SYNE1: variants seen among roughly 807,000 people sequenced by gnomAD.
SYNE1 encodes nesprin-1.
SYNE1 carries 616 observed loss-of-function variants against 1,111.0 expected under a neutral mutation model. The ratio of observed to expected loss-of-function variants is 0.55; its 90% confidence interval spans 0.52 to 0.59. The LOEUF (loss-of-function observed/expected upper bound fraction) is 0.59. Ranked by LOEUF, SYNE1 falls within the 20% of genes least tolerant of loss-of-function variation. The pLI is 0.00. For synonymous variants in SYNE1, 3,855 were observed against 3,825.8 expected, an observed-to-expected ratio of 1.01 and a Z score of -0.28; for missense variants, 10,006 against 10,417.0, an observed-to-expected ratio of 0.96 and a Z score of 1.72.
At chr6:152,447,933 T>C (rs192077745) in intron 28 of SYNE1, among the ~76,000 whole-genome samples, 5 of 152,318 alleles carry the variant, frequency 3.3e-5, no homozygotes, top group Admixed American at 1.3e-4. Context: ...GACGCCACAA[T>C]TGGCAACTAT....
At chr6:152,370,756 G>C (rs2097165907) in intron 59 of SYNE1, among the ~76,000 whole-genome samples, 1 of 152,168 alleles carries the variant, frequency 6.6e-6, no homozygotes, top group Non-Finnish European at 1.5e-5. Context: ...AGTACATAAA[G>C]GTTAGCTGAA....
intron 3 of SYNE1, among the ~76,000 whole-genome samples, chr6:152,565,552 A>G (rs2099410445): frequency 6.6e-6 from 1 of 152,148 alleles, no homozygotes; most frequent in Non-Finnish European, 1.5e-5. Context: ...CTTCAACCTT[A>G]TAATTCTTGA....
rs1321490646 is a variant in SYNE1 at position 152,155,958 on chromosome 6, T to C, written c.23930A>G (p.Asp7977Gly). The change falls in exon 132 of 146, where the codon GAC (aspartate) becomes GGC (glycine). Residue 7977 changes from aspartate (D) to glycine (G), a missense_variant. Physicochemically the swap from Asp to Gly is moderately conservative, Grantham distance 94 (BLOSUM62 -1). Transcript: ENST00000367255. ...DSIQQATRNL[D>G]RRWRNICAMS... ...AGCACAAATGTTTCTCCACCGCCGG[T>C]CCAGGTTTCTCGTAGCCTGCTGTAT... 6.2e-7 allele frequency: 1 copy of C among 1,614,160 alleles called. No homozygotes were observed. The highest frequency in any genetic ancestry group is 8.5e-7 in the Non-Finnish European group (1 of 1,180,034).
chr6:152,572,986 T>C (rs1290916461), intron 3 of SYNE1, among the ~76,000 whole-genome samples: 2 of 152,166 alleles, frequency 1.3e-5, no homozygotes, highest in African/African-American at 4.8e-5. Flanking sequence ...CTTCTGGGAA[T>C]GTCTATTTGA....
intron 3 of SYNE1, among the ~76,000 whole-genome samples, chr6:152,597,044 G>T (rs1565084627): frequency 6.6e-6 from 1 of 152,092 alleles, no homozygotes. Flanking sequence ...TCCAATCATA[G>T]GTATTTCTCT....
intron 21 of SYNE1, among the ~76,000 whole-genome samples, 166 bp from the exon 22 acceptor site, chr6:152,459,096 T>G (rs1016000130): frequency 6.6e-6 from 1 of 152,194 alleles, no homozygotes. Flanking sequence ...TTGTCAAATT[T>G]TGCTGTGAAA....
Position 152,325,126 on chromosome 6 carries a change from G to A in SYNE1, c.15615C>T (p.Ile5205=), listed in dbSNP as rs762262465. ...TCCACTCATCCACTGCATCTTCCAG[G>A]ATCTTCTCCTGGTCCTGGGCCACAG... ...LRAVAQDQEK[I]LEDAVDEWTG... Residue 5205 remains isoleucine (I), a synonymous_variant, in exon 81 of 146, where the codon ATC becomes ATT. Coordinates refer to ENST00000367255, the MANE Select transcript of SYNE1 (RefSeq NM_182961.4). 2 of 1,614,208 alleles carry A rather than the reference G, an allele frequency of 1.2e-6. No individual in the cohort carries two copies. The highest frequency in any genetic ancestry group is 1.7e-6 in the Non-Finnish European group (2 of 1,180,048).
At chr6:152,189,529 G>A in intron 127 of SYNE1, 122 bp from the exon 128 acceptor site, 1 of 860,850 alleles carries the variant, frequency 1.2e-6, no homozygotes, top group South Asian at 1.5e-5. Context: ...TATCTAACTT[G>A]GGATCTAGAG....
intron 29 of SYNE1, among the ~76,000 whole-genome samples, chr6:152,447,098 T>C (rs1333487683): frequency 1.3e-5 from 2 of 152,232 alleles, no homozygotes; most frequent in African/African-American, 4.8e-5. Flanking sequence ...GTATCACATT[T>C]AAACTCTAAT....
At chr6:152,147,611 C>T (rs1306635936) in intron 137 of SYNE1, 4 of 169,686 alleles carry the variant, frequency 2.4e-5, no homozygotes, top group African/African-American at 9.6e-5. Flanking sequence ...GCCCACCTGA[C>T]CAACTGCGAT....
chr6:152,384,517 A>G (rs1424190031), intron 55 of SYNE1, among the ~76,000 whole-genome samples: 1 of 152,264 alleles, frequency 6.6e-6, no homozygotes, highest in Non-Finnish European at 1.5e-5. Context: ...TTATGTGATT[A>G]TCTCAGTTAA....
chr6:152,571,684 C>A lies in SYNE1; in HGVS notation c.68-31663G>T, dbSNP rs573745973. Among the ~76,000 whole-genome samples the A allele has an allele frequency of 1.8e-4, 28 of 152,158 alleles. No homozygotes were observed. The South Asian group carries it at 3.7e-3, about 20-fold the overall frequency. On this transcript the variant is annotated intron_variant, in intron 3 of 145. Transcript: ENST00000367255. ...ACCCACAAAGAGAAAGAAAATGGGT[C>A]TCAGGAAACAAAATTGTTTTATTAT...
At position 152,140,155 on chromosome 6, in the gene SYNE1, A is replaced by G. The variant is rs2058223015; in HGVS notation, c.25253T>C (p.Ile8418Thr). ...HSTETQTAGV[I>T]DRWELLQAQA... ...GGCCTGGAGAAGCTCCCATCGGTCA[A>G]TCACACCTGGCAAGACATGCATAGA... The change falls in exon 140 of 146, where the codon ATT becomes ACT. Residue 8418 changes from isoleucine to threonine, a missense_variant. Ile to Thr is a moderately conservative substitution (Grantham distance 89). Around this residue, in one of 7 missense-constraint regions of SYNE1, gnomAD observed 761 missense variants for 795.5 expected, o/e 0.96. Coordinates refer to ENST00000367255, the MANE Select transcript of SYNE1 (RefSeq NM_182961.4). 1.2e-5 allele frequency: 19 copies of G among 1,614,088 alleles called. No individual in the cohort carries two copies. The highest frequency in any genetic ancestry group is 1.1e-4 in the South Asian group (10 of 91,084).
Position 152,233,803 on chromosome 6 carries a change from G to T in SYNE1, c.20690C>A (p.Ala6897Asp), listed in dbSNP as rs369855513. Residue 6897 changes from alanine to aspartate, a missense_variant, in exon 112 of 146, where the codon GCC (alanine) becomes GAC (aspartate). This residue lies in a region of SYNE1 where 2,182 missense variants were observed against 2,287.8 expected (regional missense o/e 0.95). Transcript: ENST00000367255. ...TACCTGGTGGAGCTTCTCCTGGACG[G>T]CTGGGATATTGGTTAGCAGGTCAGT... ...QWTDLLTNIP[A>D]VQEKLHQLQM... is the part of the protein sequence containing the mutation. The T allele has an allele frequency of 1.2e-6, 2 of 1,614,038 alleles. No homozygotes were observed. The highest frequency in any genetic ancestry group is 2.7e-5 in the African/African-American group (2 of 74,904).
intron 39 of SYNE1, among the ~76,000 whole-genome samples, chr6:152,421,846 C>T (rs745874273): frequency 3.9e-5 from 6 of 152,004 alleles, no homozygotes; most frequent in Admixed American, 6.6e-5. Flanking sequence ...GCTGGGATTA[C>T]AAGCACCTGC....
Position 152,455,460 on chromosome 6 carries a change from T to G in SYNE1, c.2858A>C (p.Lys953Thr), listed in dbSNP as rs1162730911. The change falls in exon 24 of 146, where the codon AAG becomes ACG. Residue 953 changes from lysine to threonine, a missense_variant. Physicochemically the swap from Lys to Thr is moderately conservative, Grantham distance 78. This residue lies in a region of SYNE1 where 1,971 missense variants were observed against 2,084.1 expected (regional missense o/e 0.95). Transcript: ENST00000367255. ...LRIAQEGLEEKGDPEELLRRH... is the reference protein window; with the variant it reads ...LRIAQEGLEETGDPEELLRRH... ...CCGCAGGAGCTCCTCTGGATCCCCC[T>G]TTTCCTCCAGGCCCTCCTGAGCAAT... The G allele has an allele frequency of 1.9e-6, 3 of 1,614,078 alleles. No individual in the cohort carries two copies. The highest frequency in any genetic ancestry group is 1.7e-6 in the Non-Finnish European group (2 of 1,179,958).
chr6:152,183,148 C>T (rs374776998), intron 128 of SYNE1, among the ~76,000 whole-genome samples: 1 of 152,200 alleles, frequency 6.6e-6, no homozygotes, highest in Non-Finnish European at 1.5e-5. Flanking sequence ...GCCGCGTGCA[C>T]TCTGATCTTC....
At chr6:152,431,044 C>A (rs1452392263) in intron 34 of SYNE1, among the ~76,000 whole-genome samples, 1 of 152,066 alleles carries the variant, frequency 6.6e-6, no homozygotes, top group South Asian at 2.1e-4. Flanking sequence ...ATGAATTAGG[C>A]GTTTTAATTA....
chr6:152,192,172 T>G (rs2072619844), intron 127 of SYNE1, among the ~76,000 whole-genome samples: 1 of 152,238 alleles, frequency 6.6e-6, no homozygotes, highest in Non-Finnish European at 1.5e-5. Flanking sequence ...TAACATATAG[T>G]CTATCCTTGA....
Sources: gnomAD v4.1 joint callset for allele counts (sites outside exome capture counted in the v4.1 genomes callset) on GRCh38, gnomAD v4.1.1 for gene constraint, gnomAD v4.1.1 regional missense constraint, MANE v1.5 for transcripts, NCBI Gene and HGNC (gene_info 2026-07-23, HGNC 2026-07-21) for gene names.